MOCS1: variants seen among roughly 807,000 people sequenced by gnomAD.
The protein encoded by MOCS1 is molybdenum cofactor synthesis 1.
In MOCS1, 39 loss-of-function variants were observed where a neutral mutation model predicts 57.6. The observed-to-expected ratio is 0.68, with a 90% CI of 0.52 to 0.88. MOCS1 has a LOEUF of 0.88. Ranked by LOEUF, MOCS1 falls within the 40% of genes least tolerant of loss-of-function variation. The pLI is 0.00. For missense variants in MOCS1, 795 were observed against 831.1 expected, an observed-to-expected ratio of 0.96 and a Z score of 0.53; for synonymous variants, 334 against 335.7, an observed-to-expected ratio of 1.00 and a Z score of 0.05.
chr6:39,923,542 C>G, intron 3 of MOCS1, among the ~76,000 whole-genome samples: 1 of 152,262 alleles, frequency 6.6e-6, no homozygotes, highest in East Asian at 1.9e-4. Context: ...CCCATGCCCG[C>G]GGGTGCCAGG....
At chr6:39,912,513 C>T (rs1168215695) in intron 7 of MOCS1, 139 bp from the exon 8 acceptor site, 21 of 709,450 alleles carry the variant, frequency 3.0e-5, no homozygotes, top group Middle Eastern at 2.4e-4. Context: ...CCAAGGCCCT[C>T]AGGTGATAGA....
At position 39,906,474 on chromosome 6, in the gene MOCS1, T is replaced by G; in HGVS notation, c.1794A>C (p.Ala598=). 6.2e-7 allele frequency: 1 copy of G among 1,614,130 alleles called. No individual in the cohort carries two copies. The change falls in exon 11 of 11, where the codon GCA becomes GCC. Residue 598 remains alanine (A), a synonymous_variant. Transcript: ENST00000340692. The part of the protein sequence containing the change: ...GVEMEALTSA[A]VAALTLYDMC... Reference sequence around the variant, plus strand: ...TGTCATACAGGGTGAGGGCGGCCACTGCAGCAGAGGTCAGGGCCTCCATCT... The same window carrying G: ...TGTCATACAGGGTGAGGGCGGCCACGGCAGCAGAGGTCAGGGCCTCCATCT...
chr6:39,913,632 G>A, intron 5 of MOCS1, 142 bp downstream of exon 5: 12 of 1,063,262 alleles, frequency 1.1e-5, no homozygotes, highest in Non-Finnish European at 1.6e-5. Flanking sequence ...GGACCAGCAG[G>A]GAGAGAAGAG....
At chr6:39,921,528 C>T (rs1394353919) in intron 3 of MOCS1, among the ~76,000 whole-genome samples, 1 of 152,044 alleles carries the variant, frequency 6.6e-6, no homozygotes, top group African/African-American at 2.4e-5. Context: ...TCTCATGAAC[C>T]AAGTATGATT....
At chr6:39,918,717 A>G (rs1435676406) in intron 3 of MOCS1, among the ~76,000 whole-genome samples, 1 of 152,262 alleles carries the variant, frequency 6.6e-6, no homozygotes, top group African/African-American at 2.4e-5. Context: ...GAGATGCAGT[A>G]AACACAAGAT....
chr6:39,926,998 C>T (rs1196583649), intron 2 of MOCS1, among the ~76,000 whole-genome samples: 1 of 151,628 alleles, frequency 6.6e-6, no homozygotes, highest in Non-Finnish European at 1.5e-5. Context: ...CCACCCCTGG[C>T]CATGTCCTGG....
intron 1 of MOCS1, among the ~76,000 whole-genome samples, chr6:39,928,420 C>T (rs1323980396): frequency 1.3e-5 from 2 of 152,086 alleles, no homozygotes; most frequent in African/African-American, 4.8e-5. Context: ...TGCCTTGGCC[C>T]CCCAAAGTGC....
At chr6:39,919,519 A>AC (rs199903844) in intron 3 of MOCS1, among the ~76,000 whole-genome samples, 526 of 35,096 alleles carry the variant, frequency 0.015, 2 homozygotes, top group Middle Eastern at 0.042. Context: ...AACAGCAACA[A>AC]AAAAAAAAAA....
chr6:39,931,174 G>A (rs544617824), intron 1 of MOCS1, among the ~76,000 whole-genome samples: 8 of 149,874 alleles, frequency 5.3e-5, no homozygotes, highest in Admixed American at 1.3e-4. Context: ...GACACTACTG[G>A]TCATCTCATG....
At chr6:39,925,993 A>C in intron 2 of MOCS1, 148 bp from the exon 3 acceptor site, 1 of 813,916 alleles carries the variant, frequency 1.2e-6, no homozygotes, top group Non-Finnish European at 1.9e-6. Flanking sequence ...CTGAGGTGGA[A>C]AAACCCCAGG....
intron 5 of MOCS1, 78 bp downstream of exon 5, chr6:39,913,696 T>A (rs1767479084): frequency 6.7e-7 from 1 of 1,494,196 alleles, no homozygotes; most frequent in African/African-American, 1.4e-5. Context: ...GGCTCTCAAG[T>A]GGGCCAAGGG....
Position 39,904,461 on chromosome 6 carries a change from TC to T in MOCS1, c.*1895del, listed in dbSNP as rs1191011515. On this transcript the variant is annotated 3_prime_UTR_variant, in exon 11 of 11. Coordinates refer to ENST00000340692, the MANE Select transcript of MOCS1 (RefSeq NM_001358530.2). ...TCTTGGTCTTGCTTTCTTCATGCCC[TC>T]CCCACTGCTCCTGCCACCTTTAGAT... 1 of 454,440 alleles carries T rather than the reference TC, an allele frequency of 2.2e-6. No homozygotes were observed. Among genetic ancestry groups the T allele is most frequent in the African/African-American group, 2.0e-5 (1 of 49,996 alleles). 28.2% of individuals were successfully genotyped at this position (454,440 alleles called of 1,614,324 possible).
chr6:39,932,737 G>A (rs1768706026), intron 1 of MOCS1, among the ~76,000 whole-genome samples: 1 of 152,214 alleles, frequency 6.6e-6, no homozygotes, highest in Non-Finnish European at 1.5e-5. Flanking sequence ...GTGGCAGCAT[G>A]GATAATAGTA....
intron 3 of MOCS1, among the ~76,000 whole-genome samples, chr6:39,918,799 T>C (rs1210053436): frequency 6.6e-6 from 1 of 152,114 alleles, no homozygotes; most frequent in Non-Finnish European, 1.5e-5. Context: ...AGTAATGACA[T>C]TCTTTCTGCT....
chr6:39,921,695 G>A (rs1455852661), intron 3 of MOCS1, among the ~76,000 whole-genome samples: 1 of 152,066 alleles, frequency 6.6e-6, no homozygotes, highest in Non-Finnish European at 1.5e-5. Context: ...AAGAAAGGCA[G>A]GAAGGAATGG....
At chr6:39,922,138 A>C (rs1768006387) in intron 3 of MOCS1, among the ~76,000 whole-genome samples, 1 of 152,214 alleles carries the variant, frequency 6.6e-6, no homozygotes. Flanking sequence ...ACTGTCCAAC[A>C]CAGCAGCTGC....
chr6:39,921,065 G>A (rs1314032294), intron 3 of MOCS1, among the ~76,000 whole-genome samples: 4 of 151,724 alleles, frequency 2.6e-5, no homozygotes, highest in Non-Finnish European at 5.9e-5. Flanking sequence ...TGGGGTGGGG[G>A]CAGGGTACAG....
At position 39,905,448 on chromosome 6, in the gene MOCS1, T is replaced by G. The variant is rs928089182; in HGVS notation, c.*909A>C. ...TCTTGGGATAGGATTGATTGATTGA[T>G]TGATAGGTGCAGCCTTCCCTGTGAA... is the stretch of plus-strand genomic sequence containing the variant. On this transcript the variant is annotated 3_prime_UTR_variant, in exon 11 of 11. Coordinates refer to ENST00000340692, the MANE Select transcript of MOCS1 (RefSeq NM_001358530.2). 1 of 471,060 alleles carries G rather than the reference T, an allele frequency of 2.1e-6. No homozygotes were observed. Among genetic ancestry groups the G allele is most frequent in the East Asian group, 6.9e-5 (1 of 14,392 alleles). 29.2% of individuals were successfully genotyped at this position (471,060 alleles called of 1,614,324 possible).
At chr6:39,918,971 C>T (rs1582821732) in intron 3 of MOCS1, among the ~76,000 whole-genome samples, 1 of 152,172 alleles carries the variant, frequency 6.6e-6, no homozygotes, top group African/African-American at 2.4e-5. Flanking sequence ...GAAACACAAT[C>T]TAGGCATGTA....
Sources: allele counts gnomAD v4.1 joint callset (sites outside exome capture counted in the v4.1 genomes callset), GRCh38; gene constraint gnomAD v4.1.1; transcripts MANE v1.5; gene names NCBI Gene and HGNC (gene_info 2026-07-23, HGNC 2026-07-21).